Variants in EDC3 observed in about 807,000 individuals in gnomAD.
EDC3 encodes the protein enhancer of mRNA decapping 3.
EDC3 carries 20 observed loss-of-function variants against 41.8 expected under a neutral mutation model. The observed-to-expected ratio is 0.48, with a 90% CI of 0.34 to 0.70. The LOEUF (loss-of-function observed/expected upper bound fraction) is 0.70. Among genes scored for constraint, EDC3 ranks in the 30% least tolerant of loss-of-function variants. The probability of loss-of-function intolerance (pLI) is 0.01; values close to 1 mark genes in which losing one functional copy is unlikely to be tolerated. For missense variants in EDC3, 444 were observed against 636.8 expected (o/e 0.70, Z 3.26); for synonymous variants, 206 against 243.2 (o/e 0.85, Z 1.42).
At chr15:74,691,708 G>A (rs2063009263) in intron 1 of EDC3, among the ~76,000 whole-genome samples, 1 of 152,082 alleles carries the variant, frequency 6.6e-6, no homozygotes, top group South Asian at 2.1e-4. Flanking sequence ...ATTACTTTAG[G>A]ATGGGTAGGA....
intron 1 of EDC3, among the ~76,000 whole-genome samples, chr15:74,686,847 A>C (rs534038775): frequency 6.6e-6 from 1 of 151,538 alleles, no homozygotes; most frequent in Non-Finnish European, 1.5e-5. Flanking sequence ...GGCCAGCCGC[A>C]ATGGCTCACG....
chr15:74,646,007 T>C (rs187151957), intron 4 of EDC3, among the ~76,000 whole-genome samples: 2 of 150,822 alleles, frequency 1.3e-5, no homozygotes, highest in African/African-American at 4.9e-5. Context: ...ACAGAGAAAA[T>C]AAAACGAGTA....
intron 3 of EDC3, among the ~76,000 whole-genome samples, chr15:74,669,780 G>A (rs2062718789): frequency 6.6e-6 from 1 of 152,060 alleles, no homozygotes; most frequent in Non-Finnish European, 1.5e-5. Flanking sequence ...CCTTTTAGAA[G>A]GTATTGCCAT....
chr15:74,642,875 C>T (rs943755248), intron 4 of EDC3: 1 of 152,250 alleles, frequency 6.6e-6, no homozygotes, highest in Admixed American at 6.5e-5. Context: ...GACATCACCC[C>T]CCACCGGCTG....
intron 5 of EDC3, chr15:74,638,327 T>G (rs1362237092): frequency 9.3e-6 from 1 of 108,042 alleles, no homozygotes; most frequent in Admixed American, 8.8e-5. Flanking sequence ...ACTTCAGATC[T>G]TTTTTTTTTT....
intron 5 of EDC3, 30 bp downstream of exon 5, chr15:74,640,436 T>C (rs761911145): frequency 1.1e-5 from 17 of 1,610,926 alleles, no homozygotes; most frequent in Non-Finnish European, 1.4e-5. Context: ...TTACTCCACA[T>C]TGAGTCCCTG....
intron 1 of EDC3, chr15:74,676,873 A>C (rs1389326431): frequency 6.6e-6 from 1 of 152,220 alleles, no homozygotes; most frequent in Non-Finnish European, 1.5e-5. Context: ...GCATATGAAA[A>C]GATGCTCTAC....
intron 3 of EDC3, among the ~76,000 whole-genome samples, chr15:74,662,438 T>A (rs1027352320): frequency 2.2e-4 from 34 of 151,126 alleles, no homozygotes; most frequent in South Asian, 8.3e-4. Context: ...TATATATATT[T>A]TTTTTTTAAA....
At chr15:74,655,109 T>C (rs1295961426) in intron 4 of EDC3, among the ~76,000 whole-genome samples, 1 of 152,140 alleles carries the variant, frequency 6.6e-6, no homozygotes, top group Non-Finnish European at 1.5e-5. Flanking sequence ...TTATATGCCA[T>C]AGGTTTGAAG....
At chr15:74,634,931 C>T (rs1398765479) in intron 6 of EDC3, among the ~76,000 whole-genome samples, 1 of 152,172 alleles carries the variant, frequency 6.6e-6, no homozygotes, top group Non-Finnish European at 1.5e-5. Context: ...AAGCCCAAAT[C>T]CTTGTGGTCA....
At chr15:74,680,942 G>A (rs2062864072) in intron 1 of EDC3, among the ~76,000 whole-genome samples, 1 of 152,024 alleles carries the variant, frequency 6.6e-6, no homozygotes, top group Non-Finnish European at 1.5e-5. Context: ...TTTGTATACT[G>A]AAAACTATGC....
At chr15:74,692,114 C>T (rs997097377) in intron 1 of EDC3, among the ~76,000 whole-genome samples, 1 of 152,166 alleles carries the variant, frequency 6.6e-6, no homozygotes, top group Non-Finnish European at 1.5e-5. Flanking sequence ...CCACCGCACC[C>T]GGCCACATAT....
chr15:74,649,710 T>G (rs1381695380), intron 4 of EDC3, among the ~76,000 whole-genome samples: 1 of 152,184 alleles, frequency 6.6e-6, no homozygotes, highest in East Asian at 1.9e-4. Context: ...GGAAACCAGC[T>G]TAGTAGCCTC....
Position 74,635,639 on chromosome 15 carries a change from G to A in EDC3, c.975-13C>T. On this transcript the variant is annotated splice_polypyrimidine_tract_variant and intron_variant, in intron 5 of 6. Transcript: ENST00000315127. ...TTTGGGATTCAACCTGGAAAAGAAG[G>A]TGAAGAAGCAGTATCAGCTACATAC... The A allele has an allele frequency of 6.2e-7, 1 of 1,610,608 alleles. No homozygotes were observed. Among genetic ancestry groups the A allele is most frequent in the Non-Finnish European group, 8.5e-7 (1 of 1,177,204 alleles).
At chr15:74,659,693 G>A (rs917514771) in intron 3 of EDC3, among the ~76,000 whole-genome samples, 1 of 150,652 alleles carries the variant, frequency 6.6e-6, no homozygotes, top group Non-Finnish European at 1.5e-5. Context: ...CAACATAGTG[G>A]GACCCCTGTC....
chr15:74,661,638 C>T (rs1161404292), intron 3 of EDC3, among the ~76,000 whole-genome samples: 3 of 148,942 alleles, frequency 2.0e-5, no homozygotes, highest in African/African-American at 7.4e-5. Context: ...GGCTGAGGCA[C>T]GAGAATCGCT....
At chr15:74,640,689 T>C in intron 4 of EDC3, 70 bp from the exon 5 acceptor site, 17 of 1,589,960 alleles carry the variant, frequency 1.1e-5, no homozygotes, top group Non-Finnish European at 1.4e-5. Flanking sequence ...GTATACTCTA[T>C]CCAAGATTCT....
At chr15:74,689,818 C>A (rs956100014) in intron 1 of EDC3, among the ~76,000 whole-genome samples, 1 of 152,346 alleles carries the variant, frequency 6.6e-6, no homozygotes, top group Non-Finnish European at 1.5e-5. Context: ...GCCACTGCGC[C>A]CGGCCCTGCC....
chr15:74,671,389 C>G lies in EDC3; in HGVS notation c.484+66G>C. ...AACAAAGGATTTGTTTAAAGAGCAGCAGTGCTTATGGCTTATAGCCCTGAA... is the reference window on the plus strand; with the variant it reads ...AACAAAGGATTTGTTTAAAGAGCAGGAGTGCTTATGGCTTATAGCCCTGAA... On this transcript the variant is annotated intron_variant, in intron 3 of 6. Coordinates refer to ENST00000315127, the MANE Select transcript of EDC3 (RefSeq NM_025083.5). The surrounding 1 kb of genome is among the most constrained non-coding windows in gnomAD (Gnocchi z 4.6). The G allele has an allele frequency of 2.0e-6, 3 of 1,493,296 alleles. No homozygotes were observed. The highest frequency in any genetic ancestry group is 2.7e-6 in the Non-Finnish European group (3 of 1,096,836). The allele number at this position is 1,493,296 out of a possible 1,614,324, so 92.5% of individuals were successfully genotyped here.
Sources: allele counts gnomAD v4.1 joint callset (sites outside exome capture counted in the v4.1 genomes callset), GRCh38; gene constraint gnomAD v4.1.1; non-coding constraint Gnocchi (gnomAD v3.1); transcripts MANE v1.5; gene names NCBI Gene and HGNC (gene_info 2026-07-23, HGNC 2026-07-21).